HPCAL1: variants seen among roughly 807,000 people sequenced by gnomAD.
The protein encoded by HPCAL1 is hippocalcin like 1.
Under a neutral mutation model 17.1 loss-of-function variants are expected in HPCAL1, and 8 were observed. The ratio of observed to expected loss-of-function variants is 0.47; its 90% confidence interval spans 0.27 to 0.84. HPCAL1 has a LOEUF of 0.84. Among genes scored for constraint, HPCAL1 ranks in the 40% least tolerant of loss-of-function variants. The pLI, the probability that HPCAL1 is intolerant of heterozygous loss-of-function variation, is 0.13. For missense variants in HPCAL1, 165 were observed against 271.1 expected (o/e 0.61, Z 2.75); for synonymous variants, 112 against 111.4 (o/e 1.01, Z -0.03).
chr2:10,413,092 C>A (rs1670454942), intron 2 of HPCAL1, among the ~76,000 whole-genome samples: 4 of 152,206 alleles, frequency 2.6e-5, no homozygotes, highest in African/African-American at 7.2e-5. Flanking sequence ...TCAGCAGAAT[C>A]CTTTCTTTGA....
chr2:10,349,958 C>G (rs1202602506), intron 1 of HPCAL1, among the ~76,000 whole-genome samples: 1 of 152,094 alleles, frequency 6.6e-6, no homozygotes, highest in East Asian at 1.9e-4. Flanking sequence ...GGAACTAGCA[C>G]CAAATCCTTG....
At position 10,419,157 on chromosome 2, in the gene HPCAL1, G is replaced by A. The variant is rs374911339; in HGVS notation, c.-24-577G>A. On this transcript the variant is annotated intron_variant, in intron 2 of 4. Transcript: ENST00000307845. The surrounding 1 kb of genome is among the most constrained non-coding windows in gnomAD (Gnocchi z 5.0). ...ACCTGGGAGGCGGAGGTTACAGTGAGCTGTGATCCTGCTACTGCACTGCAG... is the reference window on the plus strand; with the variant it reads ...ACCTGGGAGGCGGAGGTTACAGTGAACTGTGATCCTGCTACTGCACTGCAG... Among the ~76,000 whole-genome samples the A allele has an allele frequency of 6.6e-6, 1 of 152,256 alleles. No individual in the cohort carries two copies. The highest frequency in any genetic ancestry group is 2.4e-5 in the African/African-American group (1 of 41,574).
At chr2:10,372,474 C>T (rs1484565092) in intron 1 of HPCAL1, among the ~76,000 whole-genome samples, 2 of 152,072 alleles carry the variant, frequency 1.3e-5, no homozygotes, top group African/African-American at 4.8e-5. Flanking sequence ...GACAGGCGAG[C>T]GTATGGCTGT....
rs1007787457 is a variant in HPCAL1 at position 10,362,259 on chromosome 2, G to A, written c.-110-34576G>A. Among the ~76,000 whole-genome samples, 1 of 152,052 alleles carries A rather than the reference G, an allele frequency of 6.6e-6. No homozygotes were observed. The highest frequency in any genetic ancestry group is 1.5e-5 in the Non-Finnish European group (1 of 68,012). On this transcript the variant is annotated intron_variant, in intron 1 of 4. Transcript: ENST00000307845. The surrounding 1 kb of genome is among the most constrained non-coding windows in gnomAD (Gnocchi z 5.0). ...GCCTCATGGAGGCAAACGGAGCTTC[G>A]GAACCCAGGTGTCGAGAATGAGCTG...
intron 1 of HPCAL1, among the ~76,000 whole-genome samples, 186 bp from the exon 2 acceptor site, chr2:10,396,649 C>T (rs62130179): frequency 0.12 from 18,042 of 152,292 alleles, 1,374 homozygotes; most frequent in Non-Finnish European, 0.16. Context: ...GGTGCAGCGG[C>T]CTTGGGCATG....
At chr2:10,338,082 A>G (rs1042752127) in intron 1 of HPCAL1, among the ~76,000 whole-genome samples, 5 of 152,208 alleles carry the variant, frequency 3.3e-5, no homozygotes, top group African/African-American at 9.6e-5. Flanking sequence ...TGGCGCATTT[A>G]GAAGACCACA....
intron 1 of HPCAL1, among the ~76,000 whole-genome samples, chr2:10,315,279 C>T (rs372675391): frequency 2.1e-5 from 3 of 139,982 alleles, no homozygotes; most frequent in East Asian, 2.2e-4. Context: ...GGCAACAGAG[C>T]GAGACTCCGT....
At chr2:10,406,921 C>A (rs1670008656) in intron 2 of HPCAL1, among the ~76,000 whole-genome samples, 1 of 152,192 alleles carries the variant, frequency 6.6e-6, no homozygotes, top group South Asian at 2.1e-4. Context: ...GTTCTCTCCC[C>A]AGAGGCTCAT....
At chr2:10,353,304 C>T (rs1031765336) in intron 1 of HPCAL1, among the ~76,000 whole-genome samples, 3 of 152,310 alleles carry the variant, frequency 2.0e-5, no homozygotes, top group Admixed American at 6.5e-5. Context: ...ACATTTAACA[C>T]CTGCAACAAC....
At position 10,310,439 on chromosome 2, in the gene HPCAL1, G is replaced by A. The variant is rs534391129; in HGVS notation, c.-111+7262G>A. 1.8e-4 allele frequency among the ~76,000 whole-genome samples: 27 copies of A among 152,288 alleles called. No individual in the cohort carries two copies. Among genetic ancestry groups the A allele is most frequent in the African/African-American group, 6.3e-4 (26 of 41,570 alleles). On this transcript the variant is annotated intron_variant, in intron 1 of 4. Transcript: ENST00000307845. The surrounding 1 kb of genome is among the most constrained non-coding windows in gnomAD (Gnocchi z 4.5). ...GAGGCATGTTTTGATCCAGGCTGTC[G>A]TAGCAAGGGATTTGATGCTGGAGTC...
In HPCAL1 at chr2:10,316,719, C is replaced by T. The variant is rs149163243; in HGVS notation, c.-111+13542C>T. 2.7e-3 allele frequency among the ~76,000 whole-genome samples: 417 copies of T among 152,296 alleles called. 1 individual carries two copies. Among genetic ancestry groups the T allele is most frequent in the Middle Eastern group, 6.8e-3 (2 of 294 alleles). On this transcript the variant is annotated intron_variant, in intron 1 of 4. Transcript: ENST00000307845. ...GGGATGCTGGGGCCGGGCTGCCTCC[C>T]CAGGCAAATCACATCACTGTAAAAT...
In HPCAL1 at chr2:10,331,348, C is replaced by T. The variant is rs1024493448; in HGVS notation, c.-111+28171C>T. On this transcript the variant is annotated intron_variant, in intron 1 of 4. Coordinates refer to ENST00000307845, the MANE Select transcript of HPCAL1 (RefSeq NM_002149.4). The surrounding 1 kb of genome is among the most constrained non-coding windows in gnomAD (Gnocchi z 5.0). ...CTTCCTCACCTCGCCACCTACGCAT[C>T]GTCACCCCTCCTCCTGCGTTTCCTC... Among the ~76,000 whole-genome samples, 5 of 152,150 alleles carry T rather than the reference C, an allele frequency of 3.3e-5. No homozygotes were observed. Among genetic ancestry groups the T allele is most frequent in the East Asian group, 3.9e-4 (2 of 5,182 alleles).
At chr2:10,321,441 G>GT (rs892292989) in intron 1 of HPCAL1, among the ~76,000 whole-genome samples, 12 of 152,024 alleles carry the variant, frequency 7.9e-5, no homozygotes, top group African/African-American at 2.7e-4. Flanking sequence ...GGAAAGTGTT[G>GT]TTGTTGTTGT....
chr2:10,426,574 G>A, intron 4 of HPCAL1, 150 bp from the exon 5 acceptor site: 1 of 688,084 alleles, frequency 1.5e-6, no homozygotes, highest in South Asian at 1.7e-5. Context: ...TGCCTGTAAA[G>A]TGAATGGAGA....
At chr2:10,411,820 C>A (rs954248448) in intron 2 of HPCAL1, among the ~76,000 whole-genome samples, 2 of 152,192 alleles carry the variant, frequency 1.3e-5, no homozygotes, top group Non-Finnish European at 2.9e-5. Context: ...CGGCTGGCTG[C>A]CCGCTTGCTC....
In HPCAL1 at chr2:10,426,937, G is replaced by T; in HGVS notation, c.*116G>T. ...TGCTCTCCCGGGCCCCGGGCCTGGG[G>T]CATGCGTTGCACCTGCCCAGCCCGG... is the stretch of plus-strand genomic sequence containing the variant. On this transcript the variant is annotated 3_prime_UTR_variant, in exon 5 of 5. Transcript: ENST00000307845. 2.1e-6 allele frequency: 2 copies of T among 937,734 alleles called. No homozygotes were observed. Among genetic ancestry groups the T allele is most frequent in the South Asian group, 1.4e-5 (1 of 71,246 alleles). 58.1% of individuals were successfully genotyped at this position (937,734 alleles called of 1,614,324 possible).
chr2:10,356,940 C>G (rs573821433), intron 1 of HPCAL1, among the ~76,000 whole-genome samples: 10 of 152,242 alleles, frequency 6.6e-5, no homozygotes, highest in African/African-American at 2.4e-4. Flanking sequence ...ATAGCAAGAC[C>G]CCATTACCCC....
intron 1 of HPCAL1, among the ~76,000 whole-genome samples, chr2:10,326,666 C>T (rs2125411329): frequency 6.6e-6 from 1 of 152,318 alleles, no homozygotes; most frequent in East Asian, 1.9e-4. Flanking sequence ...CTGCTGAGCC[C>T]CTTGCATGAG....
chr2:10,420,713 C>G (rs1043500058), intron 3 of HPCAL1, among the ~76,000 whole-genome samples: 3 of 152,200 alleles, frequency 2.0e-5, no homozygotes, highest in Non-Finnish European at 2.9e-5. Context: ...GGGTCATTCT[C>G]TGCATTTTAC....
Sources: gnomAD v4.1 joint callset for allele counts (sites outside exome capture counted in the v4.1 genomes callset) on GRCh38, gnomAD v4.1.1 for gene constraint, Gnocchi (gnomAD v3.1) non-coding constraint, MANE v1.5 for transcripts, NCBI Gene and HGNC (gene_info 2026-07-23, HGNC 2026-07-21) for gene names.